The following PEX14 variants were observed in gnomAD, a reference collection of about 807,000 sequenced individuals.
PEX14 encodes the protein peroxisomal membrane protein PEX14.
PEX14 carries 15 observed loss-of-function variants against 49.5 expected under a neutral mutation model. The ratio of observed to expected loss-of-function variants is 0.30; its 90% CI spans 0.20 to 0.47. The LOEUF is 0.47. PEX14 is among the 20% of genes least tolerant of loss of function. The pLI is 1.00. For synonymous variants in PEX14, 210 were observed against 212.7 expected, an observed-to-expected ratio of 0.99 and a Z score of 0.11; for missense variants, 398 against 494.8, an observed-to-expected ratio of 0.80 and a Z score of 1.86.
At chr1:10,496,858 C>T (rs572432937) in intron 2 of PEX14, among the ~76,000 whole-genome samples, 4 of 152,020 alleles carry the variant, frequency 2.6e-5, no homozygotes, top group East Asian at 1.9e-4. Flanking sequence ...TCATTCTCTC[C>T]AGGCCAACTC....
rs1187700533 is a variant in PEX14, at chr1:10,512,234, A to G, written c.84+16913A>G. 1.3e-5 allele frequency among the ~76,000 whole-genome samples: 2 copies of G among 152,320 alleles called. No individual in the cohort carries two copies. The highest frequency in any genetic ancestry group is 3.9e-4 in the East Asian group (2 of 5,190). ...CGGCCTCCCAAAGTGCTGAGATTAC[A>G]GACGTGAGCCACCGTGCCTGGCCCA... On this transcript the variant is annotated intron_variant, in intron 2 of 8. Coordinates refer to ENST00000356607, the MANE Select transcript of PEX14 (RefSeq NM_004565.3). This position sits in a 1 kb window ranked among gnomAD's most constrained non-coding sequence, Gnocchi z 4.6.
At chr1:10,500,173 C>T (rs796548952) in intron 2 of PEX14, among the ~76,000 whole-genome samples, 25 of 150,812 alleles carry the variant, frequency 1.7e-4, no homozygotes, top group African/African-American at 5.6e-4. Flanking sequence ...GAGGCCGAGG[C>T]GGGTGGATCA....
chr1:10,622,088 G>A (rs1015503492), intron 5 of PEX14, among the ~76,000 whole-genome samples: 2 of 152,038 alleles, frequency 1.3e-5, no homozygotes, highest in South Asian at 2.1e-4. Flanking sequence ...GTTCCTACAC[G>A]CAGCTGTCCC....
intron 1 of PEX14, among the ~76,000 whole-genome samples, chr1:10,484,028 CTTT>C (rs200948766): frequency 3.0e-5 from 4 of 132,400 alleles, no homozygotes; most frequent in Admixed American, 1.5e-4. Context: ...AATGAATTAC[CTTT>C]TTTTTTTTTT....
At chr1:10,505,011 C>G (rs1459499251) in intron 2 of PEX14, among the ~76,000 whole-genome samples, 1 of 152,056 alleles carries the variant, frequency 6.6e-6, no homozygotes, top group African/African-American at 2.4e-5. Flanking sequence ...TCTCAAAACT[C>G]CTGACCTCAA....
chr1:10,541,802 G>A (rs1487671313), intron 3 of PEX14, among the ~76,000 whole-genome samples: 9 of 152,164 alleles, frequency 5.9e-5, no homozygotes, highest in Non-Finnish European at 1.3e-4. Flanking sequence ...TAGGCCAGCC[G>A]AATGTTGTAG....
chr1:10,502,870 C>T (rs1176699719), intron 2 of PEX14, among the ~76,000 whole-genome samples: 2 of 149,986 alleles, frequency 1.3e-5, no homozygotes, highest in African/African-American at 4.9e-5. Flanking sequence ...AATCATGGCT[C>T]GTTGCAGCCC....
At chr1:10,508,300 G>A (rs912250138) in intron 2 of PEX14, among the ~76,000 whole-genome samples, 3 of 152,008 alleles carry the variant, frequency 2.0e-5, no homozygotes, top group Middle Eastern at 3.4e-3. Flanking sequence ...TCCGCCTCCC[G>A]GATTCATGCC....
intron 2 of PEX14, among the ~76,000 whole-genome samples, chr1:10,504,395 A>C (rs1641742630): frequency 6.6e-6 from 1 of 152,122 alleles, no homozygotes; most frequent in Admixed American, 6.5e-5. Context: ...AGAGGAACTA[A>C]CTCATAGCCC....
At chr1:10,586,622 G>GT (rs1328906822) in intron 3 of PEX14, among the ~76,000 whole-genome samples, 1 of 125,592 alleles carries the variant, frequency 8.0e-6, no homozygotes, top group African/African-American at 2.8e-5. Flanking sequence ...AAAAGGAGCC[G>GT]TTTACCTTTT....
intron 2 of PEX14, among the ~76,000 whole-genome samples, chr1:10,510,266 T>TAA (rs1182616160): frequency 1.3e-5 from 2 of 152,220 alleles, no homozygotes; most frequent in Admixed American, 6.5e-5. Flanking sequence ...TACAAAGTAT[T>TAA]AATTTGCAGA....
rs1346709608 is a variant in PEX14, at chr1:10,629,903, C to G, written c.1050C>G (p.Arg350=). 1 of 1,613,480 alleles carries G rather than the reference C, an allele frequency of 6.2e-7. No homozygotes were observed. The highest frequency in any genetic ancestry group is 1.3e-5 in the African/African-American group (1 of 74,884). The change falls in exon 9 of 9, where the codon CGC becomes CGG. Residue 350 remains arginine (R), a synonymous_variant. Coordinates refer to ENST00000356607, the MANE Select transcript of PEX14 (RefSeq NM_004565.3). The surrounding 1 kb of genome is among the most constrained non-coding windows in gnomAD (Gnocchi z 8.5). ...GCCTGGGGGTGCAGAGGGAGGACCGCCGGGGCGGGGATGGGCAGATCAACG... is the reference window on the plus strand; with the variant it reads ...GCCTGGGGGTGCAGAGGGAGGACCGGCGGGGCGGGGATGGGCAGATCAACG... The part of the protein sequence containing the change: ...EDCLGVQRED[R]RGGDGQINEQ...
chr1:10,596,165 T>A (rs577630751), intron 3 of PEX14, among the ~76,000 whole-genome samples: 2 of 152,226 alleles, frequency 1.3e-5, no homozygotes, highest in Non-Finnish European at 2.9e-5. Flanking sequence ...TCAGTCTCCC[T>A]AAGTTCCAAA....
intron 2 of PEX14, among the ~76,000 whole-genome samples, chr1:10,530,636 C>G (rs1317994905): frequency 6.6e-6 from 1 of 152,230 alleles, no homozygotes; most frequent in East Asian, 1.9e-4. Flanking sequence ...TTTTGGCTGA[C>G]CGAGCCTTCC....
At chr1:10,546,149 A>G (rs1639164591) in intron 3 of PEX14, among the ~76,000 whole-genome samples, 1 of 152,240 alleles carries the variant, frequency 6.6e-6, no homozygotes, top group Non-Finnish European at 1.5e-5. Context: ...GACAACAATC[A>G]TCAATAGTAT....
At chr1:10,542,966 T>A (rs1305454812) in intron 3 of PEX14, among the ~76,000 whole-genome samples, 9 of 152,186 alleles carry the variant, frequency 5.9e-5, no homozygotes, top group Admixed American at 5.9e-4. Flanking sequence ...TTGCTTAAAT[T>A]TCATGGGATT....
chr1:10,484,461 C>T (rs1167772022), intron 1 of PEX14, among the ~76,000 whole-genome samples: 3 of 151,792 alleles, frequency 2.0e-5, no homozygotes, highest in Non-Finnish European at 4.4e-5. Flanking sequence ...GCGTGAGCCA[C>T]TGCGCCTGAC....
chr1:10,625,984 C>T (rs1434236688), intron 7 of PEX14, among the ~76,000 whole-genome samples: 2 of 152,202 alleles, frequency 1.3e-5, no homozygotes, highest in African/African-American at 4.8e-5. Flanking sequence ...TTGGTTACCC[C>T]ATAAACCAAA....
chr1:10,629,417 C>T lies in PEX14; in HGVS notation c.678-114C>T. ...TCCATCCTGTCCCTTGCCCAGTGTC[C>T]CTGGGGGAGCAGCTCACCATCGCCG... On this transcript the variant is annotated intron_variant, in intron 8 of 8. Coordinates refer to ENST00000356607, the MANE Select transcript of PEX14 (RefSeq NM_004565.3). The surrounding 1 kb of genome is among the most constrained non-coding windows in gnomAD (Gnocchi z 8.5). The T allele has an allele frequency of 6.6e-6, 5 of 756,460 alleles. No homozygotes were observed. In the Admixed American group the frequency reaches 7.1e-5, roughly 11 times the overall value. The allele number at this position is 756,460 out of a possible 1,614,324, so 46.9% of individuals were successfully genotyped here.
Sources: gnomAD v4.1 joint callset for allele counts (sites outside exome capture counted in the v4.1 genomes callset) on GRCh38, gnomAD v4.1.1 for gene constraint, Gnocchi (gnomAD v3.1) non-coding constraint, MANE v1.5 for transcripts, NCBI Gene and HGNC (gene_info 2026-07-23, HGNC 2026-07-21) for gene names.